Variants in BCL2 observed in about 807,000 individuals in gnomAD.
The protein encoded by BCL2 is BCL2 apoptosis regulator, also known as apoptosis regulator Bcl-2.
In BCL2, 1 loss-of-function variant was observed where a neutral mutation model predicts 14.2. The ratio of observed to expected loss-of-function variants is 0.07; its 90% CI spans 0.02 to 0.33. The LOEUF is 0.33. Ranked by LOEUF, BCL2 falls within the 10% of genes least tolerant of loss-of-function variation. BCL2 has a pLI of 0.99. For missense variants in BCL2, 247 were observed against 305.9 expected, an observed-to-expected ratio of 0.81 and a Z score of 1.44; for synonymous variants, 151 against 137.2, an observed-to-expected ratio of 1.10 and a Z score of -0.70.
rs1913907317 is a variant in BCL2 at position 63,126,238 on chromosome 18, G to A, written c.*2387C>T. On this transcript the variant is annotated 3_prime_UTR_variant, in exon 3 of 3. Coordinates refer to ENST00000333681, the MANE Select transcript of BCL2 (RefSeq NM_000633.3). ...CGGGGAGGTCTGGCTTCATACCACA[G>A]GTTTCCTGCTTTCTTGGTGGAGCGT... 4.6e-6 allele frequency: 1 copy of A among 219,482 alleles called. No individual in the cohort carries two copies. The highest frequency in any genetic ancestry group is 9.2e-6 in the Non-Finnish European group (1 of 108,988). The allele number at this position is 219,482 out of a possible 1,614,324, so 13.6% of individuals were successfully genotyped here.
At chr18:63,312,202 C>T (rs985896071) in intron 2 of BCL2, among the ~76,000 whole-genome samples, 4 of 152,152 alleles carry the variant, frequency 2.6e-5, no homozygotes, top group African/African-American at 9.7e-5. Flanking sequence ...CAGGTAAATC[C>T]TACCCATCAC....
At position 63,249,286 on chromosome 18, in the gene BCL2, T is replaced by A. The variant is rs181505416; in HGVS notation, c.585+68796A>T. Among the ~76,000 whole-genome samples the A allele has an allele frequency of 8.5e-5, 13 of 152,194 alleles. No homozygotes were observed. The East Asian group carries it at 2.5e-3, about 29-fold the overall frequency. On this transcript the variant is annotated intron_variant, in intron 2 of 2. Transcript: ENST00000333681. ...TCCAATTGGTTCTTCCTTCACCATA[T>A]AAGATTGTGATCAGTCCTGTCCATT...
intron 2 of BCL2, among the ~76,000 whole-genome samples, chr18:63,304,934 A>G (rs1270709769): frequency 6.6e-6 from 1 of 152,214 alleles, no homozygotes; most frequent in African/African-American, 2.4e-5. Flanking sequence ...ACAAGCAAAA[A>G]CAGTCACACA....
intron 2 of BCL2, among the ~76,000 whole-genome samples, chr18:63,309,773 A>T (rs1913249051): frequency 6.6e-6 from 1 of 152,180 alleles, no homozygotes; most frequent in South Asian, 2.1e-4. Flanking sequence ...GTGGATACCA[A>T]AATCTGAAGA....
intron 2 of BCL2, among the ~76,000 whole-genome samples, chr18:63,262,415 A>T (rs1191249617): frequency 6.6e-6 from 1 of 152,204 alleles, no homozygotes; most frequent in Non-Finnish European, 1.5e-5. Flanking sequence ...AACTTATACC[A>T]GGCTCACAAC....
chr18:63,265,196 T>C (rs934131465), intron 2 of BCL2, among the ~76,000 whole-genome samples: 3 of 151,912 alleles, frequency 2.0e-5, no homozygotes, highest in South Asian at 2.1e-4. Context: ...GCAGCAGAGT[T>C]TGGGAAGGGG....
chr18:63,292,222 CAAAAAAAA>C (rs749093257), intron 2 of BCL2, among the ~76,000 whole-genome samples: 5 of 56,458 alleles, frequency 8.9e-5, no homozygotes, highest in Admixed American at 2.0e-4. Flanking sequence ...AACCCCAGTG[CAAAAAAAA>C]AAAAAAAAAA....
chr18:63,291,121 C>T (rs575094873), intron 2 of BCL2, among the ~76,000 whole-genome samples: 17 of 152,278 alleles, frequency 1.1e-4, no homozygotes, highest in South Asian at 4.1e-4. Context: ...TTTGAAGGTA[C>T]GCCATCCTTT....
intron 1 of BCL2, 94 bp from the exon 2 acceptor site, chr18:63,319,046 T>G: frequency 9.1e-7 from 1 of 1,094,568 alleles, no homozygotes; most frequent in Non-Finnish European, 1.1e-6. Flanking sequence ...ACACTACAAG[T>G]AACACGGCTA....
intron 2 of BCL2, among the ~76,000 whole-genome samples, chr18:63,193,578 ATGTATG>A (rs774297951): frequency 0.013 from 1,707 of 133,000 alleles, 13 homozygotes; most frequent in Non-Finnish European, 0.016. Context: ...GCGGAGTAGT[ATGTATG>A]TGTGTGTGTG....
chr18:63,156,131 G>A (rs972313850), intron 2 of BCL2, among the ~76,000 whole-genome samples: 6 of 151,376 alleles, frequency 4.0e-5, no homozygotes, highest in Non-Finnish European at 5.9e-5. Context: ...CAGACGGGCT[G>A]GCAGGGGAGG....
rs549362614 is a variant in BCL2 at position 63,150,664 on chromosome 18, C to T, written c.586-21905G>A. On this transcript the variant is annotated intron_variant, in intron 2 of 2. Transcript: ENST00000333681. Reference sequence around the variant, plus strand: ...AGAATTAGACTCTGCTCAGCCTTCCCGTGAGCTGTTTTAGTCTGATATTCC... The same window carrying T: ...AGAATTAGACTCTGCTCAGCCTTCCTGTGAGCTGTTTTAGTCTGATATTCC... 3.9e-5 allele frequency among the ~76,000 whole-genome samples: 6 copies of T among 152,238 alleles called. No individual in the cohort carries two copies. In the South Asian group the frequency reaches 1.2e-3, roughly 32 times the overall value.
chr18:63,262,325 A>T (rs1911684930), intron 2 of BCL2, among the ~76,000 whole-genome samples: 1 of 152,206 alleles, frequency 6.6e-6, no homozygotes, highest in Non-Finnish European at 1.5e-5. Flanking sequence ...TTTGTTACCC[A>T]TCAGTAGTTG....
intron 2 of BCL2, among the ~76,000 whole-genome samples, chr18:63,183,090 C>T (rs776087206): frequency 5.3e-5 from 8 of 152,110 alleles, no homozygotes; most frequent in Non-Finnish European, 7.4e-5. Flanking sequence ...GGGCTCAGAC[C>T]CACCCCTTGC....
At chr18:63,299,422 G>A (rs1912893763) in intron 2 of BCL2, among the ~76,000 whole-genome samples, 1 of 152,206 alleles carries the variant, frequency 6.6e-6, no homozygotes, top group Non-Finnish European at 1.5e-5. Context: ...CAGCTGCCCA[G>A]CACCTTCACT....
At chr18:63,239,831 G>A (rs1910947256) in intron 2 of BCL2, among the ~76,000 whole-genome samples, 1 of 152,162 alleles carries the variant, frequency 6.6e-6, no homozygotes, top group Non-Finnish European at 1.5e-5. Context: ...TCTTCCCAGG[G>A]TTGGGGGCTG....
intron 2 of BCL2, among the ~76,000 whole-genome samples, chr18:63,193,882 A>G (rs917707675): frequency 2.0e-5 from 3 of 152,132 alleles, no homozygotes; most frequent in Non-Finnish European, 4.4e-5. Context: ...AAGATATATT[A>G]TATTCCTAAA....
intron 2 of BCL2, among the ~76,000 whole-genome samples, chr18:63,298,297 C>T (rs1912858289): frequency 6.6e-6 from 1 of 152,236 alleles, no homozygotes; most frequent in Non-Finnish European, 1.5e-5. Context: ...GAACGGCACA[C>T]ACACCTGAAT....
chr18:63,221,922 CCAGAAAAGACAAA>C (rs1910401187), intron 2 of BCL2, among the ~76,000 whole-genome samples: 1 of 152,064 alleles, frequency 6.6e-6, no homozygotes, highest in Admixed American at 6.5e-5. Context: ...CCTTAGATCT[CCAGAAAAGACAAA>C]CATATGTCCA....
Sources: gnomAD v4.1 joint callset for allele counts (sites outside exome capture counted in the v4.1 genomes callset) on GRCh38, gnomAD v4.1.1 for gene constraint, MANE v1.5 for transcripts, NCBI Gene and HGNC (gene_info 2026-07-23, HGNC 2026-07-21) for gene names.